SYNJ2: variants seen among roughly 807,000 people sequenced by gnomAD.
SYNJ2 encodes the protein synaptojanin 2.
SYNJ2 carries 116 observed loss-of-function variants against 141.3 expected under a neutral mutation model. The ratio of observed to expected loss-of-function variants is 0.82; its 90% CI spans 0.71 to 0.96. SYNJ2 has a LOEUF of 0.96. Ranked by LOEUF, SYNJ2 falls within the 40% of genes least tolerant of loss-of-function variation. SYNJ2 has a pLI of 0.00. For synonymous variants in SYNJ2, 745 were observed against 777.7 expected, an observed-to-expected ratio of 0.96 and a Z score of 0.70; for missense variants, 1,873 against 1,934.8, an observed-to-expected ratio of 0.97 and a Z score of 0.60.
intron 12 of SYNJ2, chr6:158,067,860 C>T: frequency 1.0e-6 from 1 of 985,282 alleles, no homozygotes; most frequent in Non-Finnish European, 1.2e-6. Flanking sequence ...TCAGGATGCC[C>T]TCCGGAGCAG....
At chr6:158,039,530 TA>T (rs1403888856) in intron 4 of SYNJ2, among the ~76,000 whole-genome samples, 1 of 152,228 alleles carries the variant, frequency 6.6e-6, no homozygotes, top group African/African-American at 2.4e-5. Context: ...TGGCACTTCC[TA>T]CCCCCTTGAG....
In SYNJ2 at chr6:158,027,287, A is replaced by G; in HGVS notation, c.215-1469A>G. ...TAGACAGCGGCCCTTGATCATTCAC[A>G]GAAGATCTCGCTGGGCGGATCCTTC... On this transcript the variant is annotated intron_variant, in intron 2 of 26. Transcript: ENST00000355585. This position sits in a 1 kb window ranked among gnomAD's most constrained non-coding sequence, Gnocchi z 4.6. The G allele has an allele frequency of 1.2e-6, 1 of 820,770 alleles. No homozygotes were observed. Among genetic ancestry groups the G allele is most frequent in the Non-Finnish European group, 1.5e-6 (1 of 679,844 alleles). 50.8% of individuals were successfully genotyped at this position (820,770 alleles called of 1,614,324 possible).
In SYNJ2 at chr6:158,084,062, G is replaced by A. The variant is rs531292734; in HGVS notation, c.3096G>A (p.Ser1032=). ...ATGAATTCAATCAGCCTGGAGTCTC[G>A]GACAGTGAACTCGGGGGAGACGACC... ...LVDEFNQPGV[S]DSELGGDDLS... Residue 1032 remains serine, a synonymous_variant, in exon 22 of 27, where the codon TCG becomes TCA. Coordinates refer to ENST00000355585, the MANE Select transcript of SYNJ2 (RefSeq NM_003898.4). The surrounding 1 kb of genome is among the most constrained non-coding windows in gnomAD (Gnocchi z 5.0). 1.7e-5 allele frequency: 27 copies of A among 1,614,134 alleles called. No individual in the cohort carries two copies. The African/African-American group carries it at 2.1e-4, about 13-fold the overall frequency.
Position 158,095,695 on chromosome 6 carries a change from C to T in SYNJ2, c.3822C>T (p.Ala1274=), listed in dbSNP as rs777436650. The T allele has an allele frequency of 6.2e-7, 1 of 1,614,132 alleles. No homozygotes were observed. Among genetic ancestry groups the T allele is most frequent in the Non-Finnish European group, 8.5e-7 (1 of 1,180,016 alleles). The change falls in exon 27 of 27, where the codon GCC becomes GCT. Residue 1274 remains alanine (A), a synonymous_variant. Coordinates refer to ENST00000355585, the MANE Select transcript of SYNJ2 (RefSeq NM_003898.4). ...GGCCCCCGGAGACAAGCGTTGAGGC[C>T]CCTCCTGTCGTGACAGCCCCTCGAG... ...TIGPPETSVE[A]PPVVTAPRVP...
intron 2 of SYNJ2, among the ~76,000 whole-genome samples, chr6:158,022,050 A>T (rs1215976104): frequency 6.6e-6 from 1 of 152,140 alleles, no homozygotes; most frequent in East Asian, 1.9e-4. Flanking sequence ...TGCAGAAGGG[A>T]GGCGGGAGAA....
intron 1 of SYNJ2, among the ~76,000 whole-genome samples, chr6:158,015,408 G>A (rs1778415463): frequency 2.0e-5 from 3 of 152,146 alleles, no homozygotes; most frequent in African/African-American, 4.8e-5. Flanking sequence ...TTCTTCTGGG[G>A]CCCAAAGCTC....
intron 1 of SYNJ2, among the ~76,000 whole-genome samples, chr6:157,994,193 A>G (rs76280575): frequency 0.017 from 2,539 of 152,248 alleles, 42 homozygotes; most frequent in Non-Finnish European, 0.023. Context: ...TTTACCATGA[A>G]TCTTATCAAT....
intron 6 of SYNJ2, among the ~76,000 whole-genome samples, chr6:158,057,462 G>A (rs752011639): frequency 6.6e-6 from 1 of 152,202 alleles, no homozygotes; most frequent in African/African-American, 2.4e-5. Context: ...CACTGTCCTT[G>A]TCACTTTCAC....
upstream of SYNJ2, chr6:157,981,851 G>A (rs1300133095): frequency 2.0e-6 from 2 of 999,034 alleles, no homozygotes; most frequent in Non-Finnish European, 1.3e-6. The surrounding 1 kb of genome is among the most constrained non-coding windows in gnomAD (Gnocchi z 6.4). Context: ...GGCGGGAGCG[G>A]CGGCGCAAAG....
At chr6:158,037,261 C>T (rs895392764) in intron 4 of SYNJ2, among the ~76,000 whole-genome samples, 3 of 150,398 alleles carry the variant, frequency 2.0e-5, no homozygotes, top group African/African-American at 7.4e-5. Flanking sequence ...CTGACCGCCC[C>T]GGCTCTTGGT....
rs776408745 is a variant in SYNJ2, at chr6:158,017,341, G to C, written c.214+51G>C. The C allele has an allele frequency of 1.9e-6, 3 of 1,570,162 alleles. No individual in the cohort carries two copies. In the South Asian group the frequency reaches 3.5e-5, roughly 18 times the overall value. ...AGGCGCCAGGCTCCCCGGTGGGCAGGAGCCTCTGTGTCGGAAGGGGCCTCA... is the reference window on the plus strand; with the variant it reads ...AGGCGCCAGGCTCCCCGGTGGGCAGCAGCCTCTGTGTCGGAAGGGGCCTCA... On this transcript the variant is annotated intron_variant, in intron 2 of 26. Coordinates refer to ENST00000355585, the MANE Select transcript of SYNJ2 (RefSeq NM_003898.4).
chr6:158,000,064 CTTTTTTTTTTTTTT>C (rs58284240), intron 1 of SYNJ2, among the ~76,000 whole-genome samples: 170 of 85,568 alleles, frequency 2.0e-3, no homozygotes, highest in African/African-American at 6.7e-3. Context: ...AGCCAAAAGG[CTTTTTTTTTTTTTT>C]TTTTTTTTTT....
intron 3 of SYNJ2, among the ~76,000 whole-genome samples, chr6:158,032,454 TG>T (rs2128338202): frequency 6.6e-6 from 1 of 152,330 alleles, no homozygotes; most frequent in African/African-American, 2.4e-5. Context: ...AGAGTGAGTA[TG>T]GGCCCTCAGG....
chr6:158,051,179 T>G (rs1448996219), intron 5 of SYNJ2, among the ~76,000 whole-genome samples: 1 of 152,214 alleles, frequency 6.6e-6, no homozygotes, highest in Non-Finnish European at 1.5e-5. Flanking sequence ...AGCCCTGGCC[T>G]GCCAAGCTTG....
intron 1 of SYNJ2, among the ~76,000 whole-genome samples, chr6:157,983,995 T>C (rs1003500576): frequency 2.0e-5 from 3 of 152,048 alleles, no homozygotes; most frequent in Non-Finnish European, 4.4e-5. Flanking sequence ...GCCTGGCTAA[T>C]TTTTTCTCTT....
In SYNJ2 at chr6:158,029,008, G is replaced by A. The variant is rs201774372; in HGVS notation, c.467G>A (p.Trp156Ter). 11 of 1,488,366 alleles carry A rather than the reference G, an allele frequency of 7.4e-6. No homozygotes were observed. The East Asian group carries it at 1.0e-4, about 14-fold the overall frequency. The allele number at this position is 1,488,366 out of a possible 1,614,324, so 92.2% of individuals were successfully genotyped here. ...TQKQGDDSSE[W>*]GNSFFWNQLL... is the part of the protein sequence containing the mutation. Reference sequence around the variant, plus strand: ...AAGCAGGGGGATGACAGCTCTGAATGGGGGAACTCCTTCTTCTGGTGAGGC... The same window carrying A: ...AAGCAGGGGGATGACAGCTCTGAATAGGGGAACTCCTTCTTCTGGTGAGGC... The change falls in exon 3 of 27, where the codon TGG becomes TAG. Residue 156 changes from tryptophan to a stop codon, truncating the protein, a stop_gained. Coordinates refer to ENST00000355585, the MANE Select transcript of SYNJ2 (RefSeq NM_003898.4). LOFTEE classifies it high-confidence loss of function.
chr6:158,055,050 C>T (rs201321587), intron 6 of SYNJ2, 22 bp downstream of exon 6: 3 of 1,612,706 alleles, frequency 1.9e-6, no homozygotes, highest in African/African-American at 2.7e-5. Flanking sequence ...CTGACACCAT[C>T]CAAGCCTGTC....
rs376984153 is a variant in SYNJ2 at position 158,076,800 on chromosome 6, G to T, written c.2449+18G>T. ...TAAAACAGGTGAGGGGGCCGTGCCC[G>T]TTCGAGAGTCGGCAGAGGGTGAATA... On this transcript the variant is annotated intron_variant, in intron 17 of 26. Transcript: ENST00000355585. The T allele has an allele frequency of 6.3e-7, 1 of 1,596,070 alleles. No homozygotes were observed. Among genetic ancestry groups the T allele is most frequent in the Non-Finnish European group, 8.6e-7 (1 of 1,169,048 alleles).
chr6:158,093,446 A>C lies in SYNJ2; in HGVS notation c.3744+342A>C, dbSNP rs9295304. Among the ~76,000 whole-genome samples the C allele has an allele frequency of 1.5e-3, 159 of 103,702 alleles. 2 individuals carry two copies. The East Asian group carries it at 0.04, about 26-fold the overall frequency. The allele number at this position is 103,702 out of a possible 152,430, so 68.0% of individuals were successfully genotyped here. ...GTGAGACTCCACCTCAAAAAAAAAAAAAACAAAAAAAAAAAAACAGATTTG... is the reference window on the plus strand; with the variant it reads ...GTGAGACTCCACCTCAAAAAAAAAACAAACAAAAAAAAAAAAACAGATTTG... On this transcript the variant is annotated intron_variant, in intron 26 of 26. Coordinates refer to ENST00000355585, the MANE Select transcript of SYNJ2 (RefSeq NM_003898.4).
Sources: gnomAD v4.1 joint callset for allele counts (sites outside exome capture counted in the v4.1 genomes callset) on GRCh38, gnomAD v4.1.1 for gene constraint, Gnocchi (gnomAD v3.1) non-coding constraint, MANE v1.5 for transcripts, NCBI Gene and HGNC (gene_info 2026-07-23, HGNC 2026-07-21) for gene names.